GPC6: variants seen among roughly 807,000 people sequenced by gnomAD.
GPC6 encodes the protein glypican-6.
In GPC6, 14 loss-of-function variants were observed where a neutral mutation model predicts 55.2. That is an observed-to-expected ratio of 0.25 (90% CI 0.17 to 0.40). The LOEUF is 0.40. Among genes scored for constraint, GPC6 ranks in the 10% least tolerant of loss-of-function variants. The pLI is 1.00. For synonymous variants in GPC6, 278 were observed against 259.6 expected (o/e 1.07, Z -0.68); for missense variants, 641 against 708.5 (o/e 0.90, Z 1.08).
chr13:94,318,918 T>C (rs972424320), intron 6 of GPC6, among the ~76,000 whole-genome samples: 9 of 152,296 alleles, frequency 5.9e-5, no homozygotes, highest in African/African-American at 2.2e-4. Context: ...TTAAAAATAT[T>C]TAACTGAAAT....
At chr13:94,040,584 A>G (rs1883496231) in intron 4 of GPC6, among the ~76,000 whole-genome samples, 1 of 151,902 alleles carries the variant, frequency 6.6e-6, no homozygotes, top group Non-Finnish European at 1.5e-5. Context: ...ACACAAGAAA[A>G]TGCCCTAAAA....
chr13:93,820,852 T>A (rs1887021644), intron 2 of GPC6, among the ~76,000 whole-genome samples: 1 of 152,040 alleles, frequency 6.6e-6, no homozygotes, highest in African/African-American at 2.4e-5. Flanking sequence ...ATTGAGGGAG[T>A]TACTTTTAGA....
chr13:93,354,516 ATTATT>A (rs1022406221), intron 1 of GPC6, among the ~76,000 whole-genome samples: 3 of 98,028 alleles, frequency 3.1e-5, no homozygotes, highest in African/African-American at 9.3e-5. Flanking sequence ...ACACTCGGCT[ATTATT>A]TTTTTTTTTT....
chr13:94,325,986 A>G (rs1413115446), intron 6 of GPC6, among the ~76,000 whole-genome samples: 1 of 152,172 alleles, frequency 6.6e-6, no homozygotes, highest in Non-Finnish European at 1.5e-5. Flanking sequence ...AGGCATGCAG[A>G]TTGACATTAC....
chr13:93,955,242 T>TAC (rs1879451205), intron 3 of GPC6, among the ~76,000 whole-genome samples: 1 of 98,998 alleles, frequency 1.0e-5, no homozygotes. Context: ...TGAATGAACA[T>TAC]GCACACACAC....
At chr13:93,265,687 GTA>G (rs1877297863) in intron 1 of GPC6, among the ~76,000 whole-genome samples, 2 of 152,220 alleles carry the variant, frequency 1.3e-5, no homozygotes, top group Non-Finnish European at 1.5e-5. Context: ...TGGTGTATGT[GTA>G]TATGTCTATT....
Position 94,119,833 on chromosome 13 carries a change from A to G in GPC6, c.877+91939A>G, listed in dbSNP as rs1010188123. Among the ~76,000 whole-genome samples the G allele has an allele frequency of 3.3e-5, 5 of 152,054 alleles. No individual in the cohort carries two copies. The East Asian group carries it at 5.8e-4, about 18-fold the overall frequency. The stretch of plus-strand genomic sequence containing the variant: ...AAGAGATTTGACTTTGATTTGTAGC[A>G]TTTGTCAATTGCTATAGTGGAAACA... On this transcript the variant is annotated intron_variant, in intron 4 of 8. Transcript: ENST00000377047.
chr13:93,328,116 T>C (rs1879720574), intron 1 of GPC6, among the ~76,000 whole-genome samples: 1 of 152,160 alleles, frequency 6.6e-6, no homozygotes, highest in Admixed American at 6.6e-5. Flanking sequence ...TTCTAGTAAA[T>C]TTTACTTTTT....
chr13:93,876,351 A>G (rs1389145479), intron 3 of GPC6, among the ~76,000 whole-genome samples: 2 of 152,060 alleles, frequency 1.3e-5, no homozygotes, highest in Non-Finnish European at 2.9e-5. Flanking sequence ...GCAACTCTAA[A>G]TCAAATAATA....
At position 94,170,584 on chromosome 13, in the gene GPC6, T is replaced by C. The variant is rs1485406720; in HGVS notation, c.878-115765T>C. Among the ~76,000 whole-genome samples, 8 of 152,214 alleles carry C rather than the reference T, an allele frequency of 5.3e-5. No homozygotes were observed. In the South Asian group the frequency reaches 1.4e-3, roughly 28 times the overall value. The stretch of plus-strand genomic sequence containing the variant: ...GAAATTGAAAAGGGAATGTAGTTCA[T>C]TCCTTTTGGGCACTGACTTTTCCCC... On this transcript the variant is annotated intron_variant, in intron 4 of 8. Transcript: ENST00000377047.
chr13:93,724,310 A>C (rs1013479693), intron 2 of GPC6, among the ~76,000 whole-genome samples: 1 of 151,908 alleles, frequency 6.6e-6, no homozygotes, highest in Non-Finnish European at 1.5e-5. Context: ...TCATCATTTA[A>C]ACAAAATTAA....
intron 1 of GPC6, among the ~76,000 whole-genome samples, chr13:93,278,380 T>A (rs1877833445): frequency 1.3e-5 from 2 of 152,232 alleles, no homozygotes; most frequent in Admixed American, 6.5e-5. Flanking sequence ...CCTCCAGAAT[T>A]TCATCTTGCA....
Position 94,136,538 on chromosome 13 carries a change from G to A in GPC6, c.877+108644G>A, listed in dbSNP as rs552627581. On this transcript the variant is annotated intron_variant, in intron 4 of 8. Transcript: ENST00000377047. ...ATCCTGGCTAACATGGTGAAACCCT[G>A]TCTCTACTAAAAATACAAAAAATTA... is the stretch of plus-strand genomic sequence containing the variant. Among the ~76,000 whole-genome samples, 26 of 152,210 alleles carry A rather than the reference G, an allele frequency of 1.7e-4. No individual in the cohort carries two copies. In the South Asian group the frequency reaches 5.2e-3, roughly 30 times the overall value.
At chr13:94,004,244 G>C (rs964159497) in intron 3 of GPC6, among the ~76,000 whole-genome samples, 1 of 152,008 alleles carries the variant, frequency 6.6e-6, no homozygotes, top group Non-Finnish European at 1.5e-5. Context: ...AAAGCAAAAA[G>C]TAAGTTGTTT....
intron 3 of GPC6, among the ~76,000 whole-genome samples, chr13:94,015,235 G>C (rs1367951565): frequency 6.6e-6 from 1 of 152,076 alleles, no homozygotes; most frequent in African/African-American, 2.4e-5. Flanking sequence ...TCATCTTAAT[G>C]GTGTGAAGCA....
chr13:94,230,590 G>T (rs561056620), intron 4 of GPC6, among the ~76,000 whole-genome samples: 5 of 152,028 alleles, frequency 3.3e-5, no homozygotes, highest in East Asian at 3.9e-4. Flanking sequence ...ATCCAAGAAG[G>T]GTATCTCCTC....
intron 4 of GPC6, among the ~76,000 whole-genome samples, chr13:94,207,075 G>C (rs998803274): frequency 1.3e-5 from 2 of 152,070 alleles, no homozygotes. Flanking sequence ...CCTTAAGCTT[G>C]CTCACTGAAC....
At chr13:93,960,048 C>A (rs1879696073) in intron 3 of GPC6, among the ~76,000 whole-genome samples, 1 of 152,124 alleles carries the variant, frequency 6.6e-6, no homozygotes, top group Non-Finnish European at 1.5e-5. Flanking sequence ...CTGTAGACTC[C>A]ACATCTTCTC....
At chr13:94,105,136 C>G (rs1165156888) in intron 4 of GPC6, among the ~76,000 whole-genome samples, 2 of 152,120 alleles carry the variant, frequency 1.3e-5, no homozygotes, top group East Asian at 1.9e-4. Flanking sequence ...AAGAGGATCA[C>G]TTGAGCCCTG....
Sources: gnomAD v4.1 joint callset for allele counts (sites outside exome capture counted in the v4.1 genomes callset) on GRCh38, gnomAD v4.1.1 for gene constraint, MANE v1.5 for transcripts, NCBI Gene and HGNC (gene_info 2026-07-23, HGNC 2026-07-21) for gene names.